The following ASXL1 variants were observed in gnomAD, a reference collection of about 807,000 sequenced individuals.
The protein encoded by ASXL1 is ASXL transcriptional regulator 1.
Under a neutral mutation model 89.1 loss-of-function variants are expected in ASXL1, and 65 were observed. That is an observed-to-expected ratio of 0.73 (90% CI 0.60 to 0.90). ASXL1 has a LOEUF of 0.90. ASXL1 is among the 40% of genes least tolerant of loss of function. ASXL1 has a pLI of 0.00. For missense variants in ASXL1, 1,786 were observed against 1,942.9 expected (o/e 0.92, Z 1.52); for synonymous variants, 739 against 746.9 (o/e 0.99, Z 0.17).
intron 4 of ASXL1, among the ~76,000 whole-genome samples, chr20:32,399,995 C>G (rs1018197286): frequency 6.6e-6 from 1 of 151,982 alleles, no homozygotes; most frequent in South Asian, 2.1e-4. Flanking sequence ...CTCCTGACCT[C>G]AAGTGATCTG....
chr20:32,427,864 AC>A (rs1346946473), intron 4 of ASXL1: 3 of 435,186 alleles, frequency 6.9e-6, no homozygotes, highest in Non-Finnish European at 1.3e-5. Flanking sequence ...TTAGCACTCC[AC>A]CCTCCCCAGA....
chr20:32,418,554 A>G (rs1400194320), intron 4 of ASXL1, among the ~76,000 whole-genome samples: 1 of 152,154 alleles, frequency 6.6e-6, no homozygotes, highest in African/African-American at 2.4e-5. Context: ...CTGATTGCAT[A>G]ATATTTCCAT....
intron 1 of ASXL1, among the ~76,000 whole-genome samples, chr20:32,365,840 C>T (rs760669452): frequency 1.3e-5 from 2 of 152,092 alleles, no homozygotes; most frequent in Non-Finnish European, 2.9e-5. Context: ...CAGAAAGCAC[C>T]GTTTAAAAAT....
intron 8 of ASXL1, chr20:32,431,114 A>G: frequency 1.4e-6 from 1 of 712,736 alleles, no homozygotes; most frequent in East Asian, 2.7e-5. Flanking sequence ...GTCTGAGGAG[A>G]TGCAACCCCA....
chr20:32,410,496 A>C (rs1374106629), intron 4 of ASXL1, among the ~76,000 whole-genome samples: 2 of 152,170 alleles, frequency 1.3e-5, no homozygotes, highest in African/African-American at 4.8e-5. Context: ...AATAACTAAG[A>C]ATAAAATATA....
chr20:32,404,176 C>A (rs2048918039), intron 4 of ASXL1, among the ~76,000 whole-genome samples: 1 of 152,178 alleles, frequency 6.6e-6, no homozygotes, highest in Non-Finnish European at 1.5e-5. Context: ...TCCCTGCCCC[C>A]TTCCCAGCTC....
chr20:32,428,304 C>G (rs751989956), intron 5 of ASXL1, 21 bp from the exon 6 acceptor site: 3 of 1,614,158 alleles, frequency 1.9e-6, no homozygotes, highest in East Asian at 2.2e-5. Flanking sequence ...AGGGACTAAC[C>G]TTTATTTTCC....
At chr20:32,400,896 T>C (rs1460432727) in intron 4 of ASXL1, among the ~76,000 whole-genome samples, 1 of 152,244 alleles carries the variant, frequency 6.6e-6, no homozygotes, top group East Asian at 1.9e-4. Flanking sequence ...GCGCAGCATC[T>C]TGAAAGCTAT....
At chr20:32,373,545 C>A (rs1461015498) in intron 4 of ASXL1, among the ~76,000 whole-genome samples, 4 of 151,976 alleles carry the variant, frequency 2.6e-5, no homozygotes, top group Non-Finnish European at 4.4e-5. Context: ...TACGTAAATG[C>A]AACAGAGAAA....
intron 1 of ASXL1, among the ~76,000 whole-genome samples, chr20:32,364,688 G>A (rs894049591): frequency 2.0e-5 from 3 of 152,174 alleles, no homozygotes; most frequent in Non-Finnish European, 4.4e-5. Context: ...GTGCACCACC[G>A]TGCCTGGCCT....
In ASXL1 at chr20:32,358,767, G is replaced by A. The variant is rs1418991921; in HGVS notation, c.-9G>A. ...CCGCGTGGAGCTGCCGCCGCCGCCGGGGAGAAGGATGAAGGACAAACAGAA... is the reference window on the plus strand; with the variant it reads ...CCGCGTGGAGCTGCCGCCGCCGCCGAGGAGAAGGATGAAGGACAAACAGAA... On this transcript the variant is annotated 5_prime_UTR_variant, in exon 1 of 13. Transcript: ENST00000375687. 6.7e-7 allele frequency: 1 copy of A among 1,487,818 alleles called. No homozygotes were observed. The highest frequency in any genetic ancestry group is 1.5e-5 in the African/African-American group (1 of 67,842). The allele number at this position is 1,487,818 out of a possible 1,614,324, so 92.2% of individuals were successfully genotyped here.
chr20:32,435,377 G>T lies in ASXL1; in HGVS notation c.2665G>T (p.Ala889Ser). The T allele has an allele frequency of 2.5e-6, 4 of 1,614,166 alleles. No individual in the cohort carries two copies. The highest frequency in any genetic ancestry group is 2.2e-5 in the South Asian group (2 of 91,082). The change falls in exon 13 of 13, where the codon GCT becomes TCT. Residue 889 changes from alanine (A) to serine (S), a missense_variant. By Grantham distance (99) the Ala-to-Ser change is moderately conservative (BLOSUM62 1). Transcript: ENST00000375687. ...TAGACAAGAAAACTTGAAAACCAAG[G>T]CTCTCGTTTCTAACAGTTCTTTGCA... ...DTRQENLKTK[A>S]LVSNSSLHWI...
At chr20:32,359,832 A>G in intron 1 of ASXL1, 1 of 717,696 alleles carries the variant, frequency 1.4e-6, no homozygotes. Context: ...CAAAGCTCAG[A>G]CACTTTGAGA....
intron 4 of ASXL1, among the ~76,000 whole-genome samples, chr20:32,374,483 AG>A (rs149881900): frequency 6.6e-6 from 1 of 151,872 alleles, no homozygotes; most frequent in African/African-American, 2.4e-5. Context: ...ATAGAGATGG[AG>A]GGGGTCTCAT....
intron 1 of ASXL1, chr20:32,359,226 C>T: frequency 1.4e-6 from 1 of 701,020 alleles, no homozygotes; most frequent in Non-Finnish European, 2.6e-6. Flanking sequence ...GAAGCTCCTC[C>T]CTCGCTTCCT....
chr20:32,435,676 C>T lies in ASXL1; in HGVS notation c.2964C>T (p.Asp988=). 1 of 1,614,178 alleles carries T rather than the reference C, an allele frequency of 6.2e-7. No homozygotes were observed. The highest frequency in any genetic ancestry group is 8.5e-7 in the Non-Finnish European group (1 of 1,180,028). The change falls in exon 13 of 13, where the codon GAC becomes GAT. Residue 988 remains aspartate (D), a synonymous_variant. Coordinates refer to ENST00000375687, the MANE Select transcript of ASXL1 (RefSeq NM_015338.6). ...VDIEKLKING[D]SEALSPHGES... ...TTGAAAAGCTGAAAATCAACGGAGACTCTGAAGCACTGAGTCCTCACGGTG... is the reference window on the plus strand; with the variant it reads ...TTGAAAAGCTGAAAATCAACGGAGATTCTGAAGCACTGAGTCCTCACGGTG...
chr20:32,437,610 G>T lies in ASXL1; in HGVS notation c.*272G>T. 1.9e-6 allele frequency: 1 copy of T among 515,702 alleles called. No individual in the cohort carries two copies. Among genetic ancestry groups the T allele is most frequent in the Non-Finnish European group, 3.5e-6 (1 of 288,860 alleles). 31.9% of individuals were successfully genotyped at this position (515,702 alleles called of 1,614,324 possible). A position where few individuals can be genotyped will look rare whatever the true frequency, so the allele number is the denominator to read the frequency against. ...CAGAGCCTGATGTGGCACGGAGTGG[G>T]GTTGCGGGGGGTGGGGGGACTGCCT... On this transcript the variant is annotated 3_prime_UTR_variant, in exon 13 of 13. Transcript: ENST00000375687.
At chr20:32,363,563 C>T (rs2048157546) in intron 1 of ASXL1, among the ~76,000 whole-genome samples, 1 of 152,212 alleles carries the variant, frequency 6.6e-6, no homozygotes, top group African/African-American at 2.4e-5. Context: ...CAGTTGCTGC[C>T]TCTTGTCTAG....
chr20:32,417,373 A>G (rs755297078), intron 4 of ASXL1, among the ~76,000 whole-genome samples: 26 of 152,188 alleles, frequency 1.7e-4, no homozygotes, highest in South Asian at 4.1e-4. Context: ...TCTTATTATT[A>G]GTAAGAACTC....
Sources: allele counts gnomAD v4.1 joint callset (sites outside exome capture counted in the v4.1 genomes callset), GRCh38; gene constraint gnomAD v4.1.1; transcripts MANE v1.5; gene names NCBI Gene and HGNC (gene_info 2026-07-23, HGNC 2026-07-21).